The following TAAR5 variants were observed in gnomAD, a reference collection of about 807,000 sequenced individuals.
TAAR5 encodes the protein trace amine associated receptor 5, also known as trace amine-associated receptor 5.
A neutral mutation model predicts 21.1 loss-of-function variants in TAAR5; 27 were observed. That is an observed-to-expected ratio of 1.28 (90% confidence interval 0.94 to 1.76). TAAR5 has a LOEUF of 1.76. TAAR5 is among the 40% of genes most tolerant of loss of function. TAAR5 has a pLI of 0.00. For synonymous variants in TAAR5, 203 were observed against 167.5 expected (o/e 1.21, Z -1.64); for missense variants, 495 against 405.6 (o/e 1.22, Z -1.89).
the TAAR5 span, among the ~76,000 whole-genome samples, chr6:132,604,020 G>C: frequency 6.6e-6 from 1 of 151,772 alleles, no homozygotes; most frequent in Non-Finnish European, 1.5e-5. Context: ...AAAGTTACAT[G>C]TTAAGTGAAA....
the TAAR5 span, among the ~76,000 whole-genome samples, chr6:132,602,017 TG>T: frequency 3.3e-5 from 5 of 152,306 alleles, no homozygotes; most frequent in East Asian, 9.6e-4. Context: ...TGAATGAATG[TG>T]CTGAATTTTT....
chr6:132,596,142 C>G, the TAAR5 span, among the ~76,000 whole-genome samples: 1 of 152,122 alleles, frequency 6.6e-6, no homozygotes, highest in Admixed American at 6.6e-5. Context: ...TGTGGCTTAT[C>G]TCCTTTCATT....
chr6:132,597,487 TTTTG>T, the TAAR5 span, among the ~76,000 whole-genome samples: 5 of 152,038 alleles, frequency 3.3e-5, no homozygotes, highest in African/African-American at 1.2e-4. Flanking sequence ...CAAGTTGGAG[TTTTG>T]TTTATTATTT....
the TAAR5 span, among the ~76,000 whole-genome samples, chr6:132,601,015 AGGGG>A: frequency 1.3e-3 from 45 of 35,044 alleles, 2 homozygotes; most frequent in African/African-American, 3.3e-3. Context: ...GAAGGAAGGA[AGGGG>A]GGAAGGAGGG....
upstream of TAAR5, among the ~76,000 whole-genome samples, chr6:132,592,707 G>A (rs748428529): frequency 7.8e-4 from 119 of 152,282 alleles, 1 homozygote; most frequent in Middle Eastern, 6.8e-3. Flanking sequence ...TGTAAGATGT[G>A]CCTGCTTTCC....
the TAAR5 span, chr6:132,594,819 A>G: frequency 6.6e-6 from 1 of 152,232 alleles, no homozygotes; most frequent in Admixed American, 6.5e-5. Flanking sequence ...AAAGAAAGCT[A>G]TAAAGGAGGC....
chr6:132,601,366 T>G, the TAAR5 span, among the ~76,000 whole-genome samples: 1 of 152,250 alleles, frequency 6.6e-6, no homozygotes, highest in Non-Finnish European at 1.5e-5. Context: ...TCTGTCCACA[T>G]GTTTTATTTT....
At chr6:132,605,953 C>A in the TAAR5 span, among the ~76,000 whole-genome samples, 4 of 119,594 alleles carry the variant, frequency 3.3e-5, no homozygotes, top group African/African-American at 1.5e-4. Context: ...GCATCCTTTG[C>A]AGCAACATGT....
the TAAR5 span, chr6:132,608,640 C>T: frequency 2.2e-6 from 1 of 455,836 alleles, no homozygotes; most frequent in African/African-American, 2.0e-5. Context: ...AAATACCAAC[C>T]ATGATGGAGC....
the TAAR5 span, among the ~76,000 whole-genome samples, chr6:132,610,978 A>C: frequency 6.6e-6 from 1 of 152,214 alleles, no homozygotes; most frequent in African/African-American, 2.4e-5. Context: ...GCAGAGAAAC[A>C]AGATGAAAGA....
At chr6:132,615,783 T>C in the TAAR5 span, among the ~76,000 whole-genome samples, 1 of 151,774 alleles carries the variant, frequency 6.6e-6, no homozygotes, top group Admixed American at 6.6e-5. Context: ...ATAACTACTC[T>C]CTTCTTGAAA....
the TAAR5 span, chr6:132,608,365 T>C: frequency 8.8e-6 from 4 of 455,694 alleles, no homozygotes; most frequent in Non-Finnish European, 1.8e-5. Context: ...AATAAGAGGG[T>C]TGCAAGTAGA....
chr6:132,589,386 A>C lies in TAAR5; in HGVS notation c.301T>G (p.Phe101Val). The C allele has an allele frequency of 6.2e-7, 1 of 1,614,078 alleles. No individual in the cohort carries two copies. The highest frequency in any genetic ancestry group is 8.5e-7 in the Non-Finnish European group (1 of 1,179,978). ...STIRSVESCW[F>V]FGDFLCRLHT... ...AGGCGGCAGAGGAAGTCCCCGAAGAACCAGCAGCTCTCCACTGAGCGAATG... is the reference window on the plus strand; with the variant it reads ...AGGCGGCAGAGGAAGTCCCCGAAGACCCAGCAGCTCTCCACTGAGCGAATG... The change falls in exon 1 of 1, where the codon TTC becomes GTC. Residue 101 changes from phenylalanine to valine, a missense_variant. Physicochemically the swap from Phe to Val is conservative, Grantham distance 50. Coordinates refer to ENST00000258034, the MANE Select transcript of TAAR5 (RefSeq NM_003967.3).
At position 132,589,401 on chromosome 6, in the gene TAAR5, C is replaced by T; in HGVS notation, c.286G>A (p.Val96Met). 6.2e-7 allele frequency: 1 copy of T among 1,614,112 alleles called. No homozygotes were observed. Among genetic ancestry groups the T allele is most frequent in the Non-Finnish European group, 8.5e-7 (1 of 1,179,992 alleles). Residue 96 changes from valine (V) to methionine (M), a missense_variant, in exon 1 of 1, where the codon GTG becomes ATG. By Grantham distance (21) the Val-to-Met change is conservative. Transcript: ENST00000258034. ...TCCCCGAAGAACCAGCAGCTCTCCA[C>T]TGAGCGAATGGTGCTGAGGGGCAGC... ...LVLPLSTIRS[V>M]ESCWFFGDFL...
chr6:132,612,381 C>A, the TAAR5 span, among the ~76,000 whole-genome samples: 3 of 152,176 alleles, frequency 2.0e-5, no homozygotes, highest in East Asian at 5.8e-4. Context: ...CTTAAAATGT[C>A]CCTATAAATG....
the TAAR5 span, chr6:132,609,187 G>A: frequency 5.6e-6 from 2 of 358,138 alleles, no homozygotes; most frequent in Non-Finnish European, 1.1e-5. Context: ...TTATCACCTG[G>A]ACATGAAAAG....
chr6:132,597,304 A>G, the TAAR5 span, among the ~76,000 whole-genome samples: 2 of 148,732 alleles, frequency 1.3e-5, no homozygotes, highest in Non-Finnish European at 3.0e-5. Context: ...AGACACCCAC[A>G]TATATGTTTA....
chr6:132,614,887 CAG>C, the TAAR5 span, among the ~76,000 whole-genome samples: 4 of 152,080 alleles, frequency 2.6e-5, no homozygotes, highest in African/African-American at 7.2e-5. Context: ...TTCTTTGAGA[CAG>C]AGTCTCACTC....
At chr6:132,601,023 A>G in the TAAR5 span, among the ~76,000 whole-genome samples, 8 of 83,880 alleles carry the variant, frequency 9.5e-5, no homozygotes, top group Non-Finnish European at 1.4e-4. Flanking sequence ...GAAGGGGGGA[A>G]GGAGGGAAGG....
Sources: allele counts gnomAD v4.1 joint callset (sites outside exome capture counted in the v4.1 genomes callset), GRCh38; gene constraint gnomAD v4.1.1; transcripts MANE v1.5; gene names NCBI Gene and HGNC (gene_info 2026-07-23, HGNC 2026-07-21).